The following PLXNC1 variants were observed in gnomAD, a reference collection of about 807,000 sequenced individuals.
PLXNC1 encodes the protein plexin C1.
A neutral mutation model predicts 178.2 loss-of-function variants in PLXNC1; 75 were observed. The ratio of observed to expected loss-of-function variants is 0.42; its 90% CI spans 0.35 to 0.51. PLXNC1 has a LOEUF of 0.51. Ranked by LOEUF, PLXNC1 falls within the 20% of genes least tolerant of loss-of-function variation. The probability of loss-of-function intolerance (pLI) is 0.02; values close to 1 mark genes in which losing one functional copy is unlikely to be tolerated. For missense variants in PLXNC1, 1,503 were observed against 1,984.4 expected (o/e 0.76, Z 4.61); for synonymous variants, 790 against 779.9 (o/e 1.01, Z -0.22).
Position 94,268,737 on chromosome 12 carries a change from G to T in PLXNC1, c.3597+3512G>T, listed in dbSNP as rs112647419. ...AGCCTCCCAAATACCTGGGATTATA[G>T]GCACCTGCCATCATGCCAGGCTAAT... On this transcript the variant is annotated intron_variant, in intron 21 of 30. Coordinates refer to ENST00000258526, the MANE Select transcript of PLXNC1 (RefSeq NM_005761.3). Among the ~76,000 whole-genome samples the T allele has an allele frequency of 2.4e-3, 360 of 151,842 alleles. 2 individuals carry two copies. Among genetic ancestry groups the T allele is most frequent in the African/African-American group, 7.9e-3 (326 of 41,356 alleles).
rs773548861 is a variant in PLXNC1, at chr12:94,227,287, A to G, written c.1980+52A>G. On this transcript the variant is annotated intron_variant, in intron 9 of 30. Transcript: ENST00000258526. The stretch of plus-strand genomic sequence containing the variant: ...GGGGAAAACCTGTCTTTGAATGACC[A>G]TGACCACAACTCATACTACTTTGGG... 37 of 1,052,930 alleles carry G rather than the reference A, an allele frequency of 3.5e-5. No homozygotes were observed. The African/African-American group carries it at 5.8e-4, about 16-fold the overall frequency. 65.2% of individuals were successfully genotyped at this position (1,052,930 alleles called of 1,614,324 possible).
chr12:94,262,503 A>T, intron 20 of PLXNC1: 1 of 985,498 alleles, frequency 1.0e-6, no homozygotes, highest in Non-Finnish European at 1.2e-6. Context: ...TGAGCAAAGC[A>T]TTCTGGGTCA....
chr12:94,284,374 G>A lies in PLXNC1; in HGVS notation c.3879+1973G>A, dbSNP rs532516554. On this transcript the variant is annotated intron_variant, in intron 23 of 30. Transcript: ENST00000258526. ...GTTAGTTCAGTCTACATCCAGAAAT[G>A]AGCAAGAGCAGCTTGGAGGTTAGAA... Among the ~76,000 whole-genome samples the A allele has an allele frequency of 8.5e-5, 13 of 152,248 alleles. No homozygotes were observed. The South Asian group carries it at 2.3e-3, about 27-fold the overall frequency.
Position 94,186,374 on chromosome 12 carries a change from T to A in PLXNC1, c.1340T>A (p.Val447Glu). 6.2e-7 allele frequency: 1 copy of A among 1,605,306 alleles called. No homozygotes were observed. The highest frequency in any genetic ancestry group is 8.5e-7 in the Non-Finnish European group (1 of 1,171,958). The change falls in exon 4 of 31, where the codon GTG (valine) becomes GAG (glutamate). Residue 447 changes from valine to glutamate, a missense_variant and splice_region_variant. Coordinates refer to ENST00000258526, the MANE Select transcript of PLXNC1 (RefSeq NM_005761.3). ...IYIYLTAGKE[V>E]RRIRVANCNK... Reference sequence around the variant, plus strand: ...AACCATTGTCCTCTTTCCTTTTAGGTGAGGAGAATTCGTGTTGCAAACTGC... The same window carrying A: ...AACCATTGTCCTCTTTCCTTTTAGGAGAGGAGAATTCGTGTTGCAAACTGC...
intron 15 of PLXNC1, among the ~76,000 whole-genome samples, chr12:94,254,067 C>G (rs1592815352): frequency 6.6e-6 from 1 of 152,266 alleles, no homozygotes; most frequent in Non-Finnish European, 1.5e-5. Flanking sequence ...ATTCTTAATG[C>G]TTTTTGTGAG....
intron 5 of PLXNC1, among the ~76,000 whole-genome samples, chr12:94,212,759 G>A (rs372638189): frequency 1.6e-4 from 23 of 140,630 alleles, no homozygotes; most frequent in Middle Eastern, 4.3e-3. Flanking sequence ...TCGCTCTGTC[G>A]CCCAGGCTGG....
At chr12:94,199,666 C>A (rs1963047323) in intron 4 of PLXNC1, among the ~76,000 whole-genome samples, 1 of 152,172 alleles carries the variant, frequency 6.6e-6, no homozygotes, top group South Asian at 2.1e-4. Context: ...CTATGTATTT[C>A]AAAGCAGAAG....
intron 1 of PLXNC1, among the ~76,000 whole-genome samples, chr12:94,162,654 A>C (rs570988270): frequency 6.6e-6 from 1 of 152,268 alleles, no homozygotes; most frequent in East Asian, 1.9e-4. Context: ...GTAGAGATAG[A>C]GAAGGTGAAT....
At chr12:94,290,278 T>C (rs1423075645) in intron 23 of PLXNC1, among the ~76,000 whole-genome samples, 1 of 152,238 alleles carries the variant, frequency 6.6e-6, no homozygotes, top group Non-Finnish European at 1.5e-5. Context: ...TCAAAGCTTC[T>C]CATAAACTCG....
chr12:94,228,795 A>G (rs1450338976), intron 9 of PLXNC1, among the ~76,000 whole-genome samples: 6 of 152,176 alleles, frequency 3.9e-5, no homozygotes, highest in Non-Finnish European at 8.8e-5. Context: ...TTGTTTATCC[A>G]TTCATCCATG....
At chr12:94,226,488 A>ATTTT (rs62973962) in intron 7 of PLXNC1, 117 bp from the exon 8 acceptor site, 13 of 538,042 alleles carry the variant, frequency 2.4e-5, no homozygotes, top group African/African-American at 1.0e-4. Context: ...CTGTCCAGGG[A>ATTTT]TTTTTTTTTT....
intron 1 of PLXNC1, among the ~76,000 whole-genome samples, chr12:94,162,133 G>A (rs1961406750): frequency 1.3e-5 from 2 of 152,128 alleles, no homozygotes; most frequent in Non-Finnish European, 1.5e-5. Flanking sequence ...GAAATAAATG[G>A]AGTGCTGTGA....
At chr12:94,299,051 A>T (rs56290609) in intron 27 of PLXNC1, among the ~76,000 whole-genome samples, 6,875 of 152,312 alleles carry the variant, frequency 0.045, 211 homozygotes, top group Non-Finnish European at 0.072. Flanking sequence ...CTAGAATGTT[A>T]AAAGAAATTT....
intron 3 of PLXNC1, 66 bp from the exon 4 acceptor site, chr12:94,186,307 A>C: frequency 8.9e-7 from 1 of 1,124,996 alleles, no homozygotes; most frequent in Non-Finnish European, 1.4e-6. Flanking sequence ...TTCATTAGAT[A>C]AGGTGTTGTA....
intron 2 of PLXNC1, among the ~76,000 whole-genome samples, 197 bp downstream of exon 2, chr12:94,169,490 AG>A (rs1324601656): frequency 6.6e-6 from 1 of 152,160 alleles, no homozygotes; most frequent in Admixed American, 6.5e-5. Context: ...CATGTAATGA[AG>A]TATCAGCTAC....
intron 24 of PLXNC1, 34 bp from the exon 25 acceptor site, chr12:94,297,155 G>A (rs1490231324): frequency 6.2e-7 from 1 of 1,611,808 alleles, no homozygotes; most frequent in East Asian, 2.2e-5. Flanking sequence ...TTTTTTAATG[G>A]ACTGCTTTCT....
intron 23 of PLXNC1, among the ~76,000 whole-genome samples, chr12:94,283,140 C>T (rs1184489178): frequency 7.5e-6 from 1 of 133,246 alleles, no homozygotes; most frequent in Non-Finnish European, 1.6e-5. Context: ...GCCTGCAGCC[C>T]TGGGGAAGGA....
chr12:94,227,330 C>T (rs1156954949), intron 9 of PLXNC1, 95 bp downstream of exon 9: 1 of 692,516 alleles, frequency 1.4e-6, no homozygotes, highest in Non-Finnish European at 2.5e-6. Flanking sequence ...AAAAAATTCT[C>T]TATTTTACTT....
chr12:94,278,146 C>A (rs1966123675), intron 21 of PLXNC1: 3 of 390,400 alleles, frequency 7.7e-6, no homozygotes, highest in Admixed American at 6.5e-5. Context: ...TCCTTAAAAC[C>A]AAAAAAAACA....
Sources: gnomAD v4.1 joint callset for allele counts (sites outside exome capture counted in the v4.1 genomes callset) on GRCh38, gnomAD v4.1.1 for gene constraint, MANE v1.5 for transcripts, NCBI Gene and HGNC (gene_info 2026-07-23, HGNC 2026-07-21) for gene names.